The following WNT10A variants were observed in gnomAD, a reference collection of about 807,000 sequenced individuals.
WNT10A encodes the protein protein Wnt-10a.
WNT10A carries 37 observed loss-of-function variants against 36.1 expected under a neutral mutation model. That is an observed-to-expected ratio of 1.02 (90% CI 0.79 to 1.35). The LOEUF is 1.35. WNT10A is among the 40% of genes most tolerant of loss of function. The probability of loss-of-function intolerance (pLI) is 0.00; values close to 1 mark genes in which losing one functional copy is unlikely to be tolerated. For missense variants in WNT10A, 613 were observed against 601.4 expected (o/e 1.02, Z -0.20); for synonymous variants, 255 against 254.1 (o/e 1.00, Z -0.03).
the WNT10A span, among the ~76,000 whole-genome samples, chr2:218,874,470 G>A: frequency 3.3e-5 from 5 of 152,298 alleles, no homozygotes; most frequent in South Asian, 1.0e-3. Context: ...TCTTTAAAGG[G>A]ACAGGGGCAT....
upstream of WNT10A, among the ~76,000 whole-genome samples, chr2:218,875,980 C>T (rs1193637865): frequency 2.0e-5 from 3 of 152,180 alleles, no homozygotes; most frequent in South Asian, 2.1e-4. Context: ...CAGGGGCTCA[C>T]GTGGTGTCAC....
chr2:218,875,498 CT>C, the WNT10A span, among the ~76,000 whole-genome samples: 2 of 152,118 alleles, frequency 1.3e-5, no homozygotes, highest in Non-Finnish European at 2.9e-5. Context: ...CCAAAACTGA[CT>C]TTCAAAGGAA....
intron 3 of WNT10A, among the ~76,000 whole-genome samples, chr2:218,891,546 C>T (rs919231893): frequency 6.6e-6 from 1 of 152,222 alleles, no homozygotes; most frequent in African/African-American, 2.4e-5. Context: ...TGTCCAGCTC[C>T]CACCCAGCCT....
chr2:218,886,447 A>G (rs1944578183), intron 2 of WNT10A, among the ~76,000 whole-genome samples: 1 of 151,762 alleles, frequency 6.6e-6, no homozygotes, highest in African/African-American at 2.4e-5. Context: ...TCTAGTTCCC[A>G]TTGGCTCCTG....
Position 218,889,983 on chromosome 2 carries a change from G to T in WNT10A, c.377-1G>T. 6.2e-7 allele frequency: 1 copy of T among 1,612,506 alleles called. No homozygotes were observed. The highest frequency in any genetic ancestry group is 8.5e-7 in the Non-Finnish European group (1 of 1,180,044). Reference sequence around the variant, plus strand: ...CATGTGTTCTGGGTCTTTAACCACAGGTTTCCGAGAGAGCGCTTTTGCCTA... The same window carrying T: ...CATGTGTTCTGGGTCTTTAACCACATGTTTCCGAGAGAGCGCTTTTGCCTA... On this transcript the variant is annotated splice_acceptor_variant, in intron 2 of 3. Transcript: ENST00000258411. LOFTEE classifies it high-confidence loss of function.
intron 2 of WNT10A, among the ~76,000 whole-genome samples, chr2:218,885,183 C>G (rs2106013433): frequency 6.6e-6 from 1 of 152,190 alleles, no homozygotes; most frequent in East Asian, 1.9e-4. Context: ...CCATGGGGGA[C>G]AGGGACAGGG....
intron 3 of WNT10A, among the ~76,000 whole-genome samples, chr2:218,892,467 A>G (rs1245300015): frequency 2.6e-5 from 4 of 152,024 alleles, no homozygotes; most frequent in African/African-American, 9.7e-5. Context: ...CCCCTTCAGG[A>G]AGCAAGAGCC....
In WNT10A at chr2:218,890,286, G is replaced by A; in HGVS notation, c.679G>A (p.Asp227Asn). The A allele has an allele frequency of 6.2e-7, 1 of 1,608,070 alleles. No homozygotes were observed. The highest frequency in any genetic ancestry group is 8.5e-7 in the Non-Finnish European group (1 of 1,179,952). The change falls in exon 3 of 4, where the codon GAC becomes AAC. Residue 227 changes from aspartate (D) to asparagine (N), a missense_variant. Physicochemically the swap from Asp to Asn is conservative, Grantham distance 23 (BLOSUM62 1). Transcript: ENST00000258411. ...DMGFGERFSK[D>N]FLDSREPHRD... ...GGGCTTCGGGGAGCGCTTTTCTAAG[G>A]ACTTTCTGGACTCCCGGGAGCCTCA...
In WNT10A at chr2:218,892,355, A is replaced by G. The variant is rs1055119733; in HGVS notation, c.757-419A>G. ...CACACACACACACACACACACACAC[A>G]CACACGGCCTGGAGCGAGATACAGC... On this transcript the variant is annotated intron_variant, in intron 3 of 3. Coordinates refer to ENST00000258411, the MANE Select transcript of WNT10A (RefSeq NM_025216.3). 2.5e-5 allele frequency among the ~76,000 whole-genome samples: 3 copies of G among 117,992 alleles called. No homozygotes were observed. The Admixed American group carries it at 2.6e-4, about 10-fold the overall frequency. 77.4% of individuals were successfully genotyped at this position (117,992 alleles called of 152,430 possible).
At position 218,893,072 on chromosome 2, in the gene WNT10A, T is replaced by C; in HGVS notation, c.1055T>C (p.Leu352Pro). ...SPDFCEREPR[L>P]DSAGTVGRLC... ...GACTTCTGCGAGCGCGAGCCGCGCCTGGACTCGGCGGGCACCGTGGGCCGC... is the reference window on the plus strand; with the variant it reads ...GACTTCTGCGAGCGCGAGCCGCGCCCGGACTCGGCGGGCACCGTGGGCCGC... Residue 352 changes from leucine to proline, a missense_variant, in exon 4 of 4, where the codon CTG (leucine) becomes CCG (proline). By Grantham distance (98) the Leu-to-Pro change is moderately conservative. Coordinates refer to ENST00000258411, the MANE Select transcript of WNT10A (RefSeq NM_025216.3). The surrounding 1 kb of genome is among the most constrained non-coding windows in gnomAD (Gnocchi z 6.3). The C allele has an allele frequency of 6.3e-7, 1 of 1,596,780 alleles. No individual in the cohort carries two copies. The highest frequency in any genetic ancestry group is 8.5e-7 in the Non-Finnish European group (1 of 1,179,226).
intron 2 of WNT10A, among the ~76,000 whole-genome samples, chr2:218,888,194 C>A (rs188468582): frequency 1.4e-4 from 22 of 152,256 alleles, no homozygotes; most frequent in Admixed American, 1.3e-3. Context: ...TGCCTGCCCC[C>A]TCTCTGGTGT....
At position 218,892,952 on chromosome 2, in the gene WNT10A, CG is replaced by C. The variant is rs1289731821; in HGVS notation, c.938del (p.Gly313AlafsTer125). 6.9e-7 allele frequency: 1 copy of C among 1,440,538 alleles called. No individual in the cohort carries two copies. 89.2% of individuals were successfully genotyped at this position (1,440,538 alleles called of 1,614,324 possible). A position where few individuals can be genotyped will look rare whatever the true frequency, so the allele number is the denominator to read the frequency against. On this transcript the variant is annotated frameshift_variant, in exon 4 of 4. Coordinates refer to ENST00000258411, the MANE Select transcript of WNT10A (RefSeq NM_025216.3). LOFTEE classifies it high-confidence loss of function. ...AACCGCAACGGCGGCCAGCTGGAGCCGGGCCCAGCGGGGGCACCCTCGCCGG... is the reference window on the plus strand; with the variant it reads ...AACCGCAACGGCGGCCAGCTGGAGCCGGCCCAGCGGGGGCACCCTCGCCGG... ...PHNRNGGQLEPGPAGAPSPAP... is the reference protein window; with the variant it reads ...PHNRNGGQLEXGPAGAPSPAP...
chr2:218,878,697 G>A (rs960029404), upstream of WNT10A, among the ~76,000 whole-genome samples: 9 of 152,148 alleles, frequency 5.9e-5, no homozygotes, highest in Non-Finnish European at 7.4e-5. The surrounding 1 kb of genome is among the most constrained non-coding windows in gnomAD (Gnocchi z 4.1). Context: ...TGCATCAAGC[G>A]TGGGAAATGC....
intron 1 of WNT10A, 44 bp from the exon 2 acceptor site, chr2:218,882,116 TG>T: frequency 6.3e-7 from 1 of 1,594,144 alleles, no homozygotes; most frequent in Non-Finnish European, 8.6e-7. Context: ...GGGGCTCTCC[TG>T]GTCCCCCCAA....
At position 218,890,379 on chromosome 2, in the gene WNT10A, C is replaced by T; in HGVS notation, c.756+16C>T. On this transcript the variant is annotated intron_variant, in intron 3 of 3. Coordinates refer to ENST00000258411, the MANE Select transcript of WNT10A (RefSeq NM_025216.3). ...TGGGAGGCAGGTGAGAGCCCCACCC[C>T]TGGGTCTGCTTCAAATCTCTTTGCC... is the stretch of plus-strand genomic sequence containing the variant. 1 of 1,599,382 alleles carries T rather than the reference C, an allele frequency of 6.3e-7. No homozygotes were observed. The highest frequency in any genetic ancestry group is 8.5e-7 in the Non-Finnish European group (1 of 1,179,944).
chr2:218,884,753 C>T (rs1163516848), intron 2 of WNT10A, among the ~76,000 whole-genome samples: 1 of 152,200 alleles, frequency 6.6e-6, no homozygotes, highest in Non-Finnish European at 1.5e-5. Context: ...ACGGTGTCAA[C>T]CAGCCCCTGG....
chr2:218,891,250 C>G (rs1263903508), intron 3 of WNT10A, among the ~76,000 whole-genome samples: 1 of 152,214 alleles, frequency 6.6e-6, no homozygotes, highest in Non-Finnish European at 1.5e-5. Context: ...CTCTTTTGTT[C>G]TACAGCGTTG....
At chr2:218,884,353 G>C (rs1944555588) in intron 2 of WNT10A, 1 of 151,378 alleles carries the variant, frequency 6.6e-6, no homozygotes, top group Admixed American at 6.6e-5. Flanking sequence ...GGAGGGGGGA[G>C]GTTAGGGCTG....
intron 2 of WNT10A, among the ~76,000 whole-genome samples, chr2:218,886,692 C>T (rs2106014364): frequency 6.6e-6 from 1 of 151,640 alleles, no homozygotes; most frequent in South Asian, 2.1e-4. Flanking sequence ...CCACCCGCTC[C>T]CCCTCCAGCT....
Sources: gnomAD v4.1 joint callset for allele counts (sites outside exome capture counted in the v4.1 genomes callset) on GRCh38, gnomAD v4.1.1 for gene constraint, Gnocchi (gnomAD v3.1) non-coding constraint, MANE v1.5 for transcripts, NCBI Gene and HGNC (gene_info 2026-07-23, HGNC 2026-07-21) for gene names.